Variants in COQ2 observed in about 807,000 individuals in gnomAD.
COQ2 encodes coenzyme Q2, polyprenyltransferase, also known as 4-hydroxybenzoate polyprenyltransferase, mitochondrial.
COQ2 carries 25 observed loss-of-function variants against 35.7 expected under a neutral mutation model. The ratio of observed to expected loss-of-function variants is 0.70; its 90% CI spans 0.51 to 0.98. The LOEUF is 0.98. Ranked by LOEUF, COQ2 falls within the 50% of genes least tolerant of loss-of-function variation. The pLI is 0.00. For synonymous variants in COQ2, 206 were observed against 186.2 expected (o/e 1.11, Z -0.86); for missense variants, 488 against 473.5 (o/e 1.03, Z -0.28).
At chr4:83,273,980 CAAAAAAAAAAAAAAA>C (rs967781699) in intron 2 of COQ2, among the ~76,000 whole-genome samples, 15 of 29,070 alleles carry the variant, frequency 5.2e-4, no homozygotes, top group African/African-American at 1.7e-3. Context: ...GCTGTCTCTA[CAAAAAAAAAAAAAAA>C]AAAAAAAAAA....
chr4:83,280,534 G>C (rs1034636234), intron 1 of COQ2, among the ~76,000 whole-genome samples: 2 of 152,232 alleles, frequency 1.3e-5, no homozygotes, highest in African/African-American at 4.8e-5. Context: ...CTAAGAGAAA[G>C]GGGGCTTCTG....
rs1735401588 is a variant in COQ2 at position 83,284,443 on chromosome 4, C to T, written c.253+69G>A. The T allele has an allele frequency of 2.7e-6, 4 of 1,491,788 alleles. No individual in the cohort carries two copies. In the South Asian group the frequency reaches 5.1e-5, roughly 19 times the overall value. 92.4% of individuals were successfully genotyped at this position (1,491,788 alleles called of 1,614,324 possible). A position where few individuals can be genotyped will look rare whatever the true frequency, so the allele number is the denominator to read the frequency against. ...TCACGCCCCGGCCGGCCGCCGCGGA[C>T]AGCTCCGCGGAGCCGACTCGGAGGC... On this transcript the variant is annotated intron_variant, in intron 1 of 6. Coordinates refer to ENST00000647002, the MANE Select transcript of COQ2 (RefSeq NM_001358921.2).
chr4:83,279,301 A>C (rs111726025), intron 1 of COQ2, among the ~76,000 whole-genome samples, 187 bp from the exon 2 acceptor site: 2 of 145,412 alleles, frequency 1.4e-5, no homozygotes, highest in South Asian at 4.1e-4. Flanking sequence ...GCCTAGAAGA[A>C]AGAGATCAAC....
rs879807573 is a variant in COQ2 at position 83,284,548 on chromosome 4, G to C, written c.217C>G (p.Pro73Ala). Residue 73 changes from proline to alanine, a missense_variant, in exon 1 of 7, where the codon CCG becomes GCG. Pro to Ala is a conservative substitution (Grantham distance 27). Transcript: ENST00000647002. The part of the protein sequence containing the change: ...VVDSAPRPLQ[P>A]YLRLMRLDKP... Reference sequence around the variant, plus strand: ...TCCAACCGCATGAGGCGCAAGTACGGCTGCAGGGGGCGGGGCGCAGAGTCC... The same window carrying C: ...TCCAACCGCATGAGGCGCAAGTACGCCTGCAGGGGGCGGGGCGCAGAGTCC... The C allele has an allele frequency of 1.1e-5, 18 of 1,572,274 alleles. No homozygotes were observed. Among genetic ancestry groups the C allele is most frequent in the Non-Finnish European group, 1.6e-5 (18 of 1,160,784 alleles).
Position 83,276,105 on chromosome 4 carries a change from C to T in COQ2, c.421-2488G>A, listed in dbSNP as rs527715227. Among the ~76,000 whole-genome samples the T allele has an allele frequency of 6.9e-4, 95 of 138,440 alleles. No homozygotes were observed. In the Middle Eastern group the frequency reaches 0.011, roughly 16 times the overall value. 90.8% of individuals were successfully genotyped at this position (138,440 alleles called of 152,430 possible). ...ATATATATACATATTCATATATATA[C>T]ATATAGAGTGTACAGAATAAAACTG... On this transcript the variant is annotated intron_variant, in intron 2 of 6. Coordinates refer to ENST00000647002, the MANE Select transcript of COQ2 (RefSeq NM_001358921.2).
intron 3 of COQ2, among the ~76,000 whole-genome samples, chr4:83,272,761 T>C (rs765379072): frequency 6.6e-6 from 1 of 152,132 alleles, no homozygotes; most frequent in African/African-American, 2.4e-5. Context: ...CTTATATATA[T>C]GATGCAGTGT....
At chr4:83,265,406 C>T (rs1278382224) in intron 6 of COQ2, among the ~76,000 whole-genome samples, 1 of 151,996 alleles carries the variant, frequency 6.6e-6, no homozygotes, top group Non-Finnish European at 1.5e-5. Flanking sequence ...CCCGTCTCTA[C>T]TAAAAAAATA....
At chr4:83,268,272 T>C (rs184580107) in intron 5 of COQ2, among the ~76,000 whole-genome samples, 4 of 152,332 alleles carry the variant, frequency 2.6e-5, no homozygotes, top group Non-Finnish European at 1.5e-5. Flanking sequence ...CATTTCCCAC[T>C]TCTAGCCCAA....
chr4:83,278,109 G>A (rs1178468232), intron 2 of COQ2, among the ~76,000 whole-genome samples: 1 of 151,458 alleles, frequency 6.6e-6, no homozygotes, highest in African/African-American at 2.4e-5. Context: ...AACTAGGATC[G>A]ATTATTAACT....
chr4:83,266,942 T>C (rs947485410), intron 6 of COQ2: 3 of 287,712 alleles, frequency 1.0e-5, no homozygotes, highest in African/African-American at 4.6e-5. Flanking sequence ...AAGCTTTATC[T>C]GTCAGTTTGC....
chr4:83,273,347 T>C, intron 3 of COQ2, 149 bp downstream of exon 3: 1 of 712,780 alleles, frequency 1.4e-6, no homozygotes, highest in South Asian at 2.1e-5. Context: ...GATTTAAAAA[T>C]GTGTGGTGAG....
intron 1 of COQ2, chr4:83,284,151 G>A: frequency 1.0e-6 from 1 of 985,434 alleles, no homozygotes; most frequent in African/African-American, 1.7e-5. Flanking sequence ...GGAACCTTCC[G>A]CTTGAGTCAC....
Position 83,284,742 on chromosome 4 carries a change from C to G in COQ2, c.23G>C (p.Gly8Ala), listed in dbSNP as rs1347758490. The change falls in exon 1 of 7, where the codon GGG becomes GCG. Residue 8 changes from glycine (G) to alanine (A), a missense_variant. Coordinates refer to ENST00000647002, the MANE Select transcript of COQ2 (RefSeq NM_001358921.2). ...CACAGCCCGCAGGCCCCGCGCGAAC[C>G]CCGCGGCTCGCGAGCCCAGCATGGC... The part of the protein sequence containing the change: MLGSRAA[G>A]FARGLRAVAL... The G allele has an allele frequency of 1.3e-6, 2 of 1,529,408 alleles. No homozygotes were observed. The highest frequency in any genetic ancestry group is 1.7e-6 in the Non-Finnish European group (2 of 1,144,434). 94.7% of individuals were successfully genotyped at this position (1,529,408 alleles called of 1,614,324 possible). A position where few individuals can be genotyped will look rare whatever the true frequency, so the allele number is the denominator to read the frequency against.
At chr4:83,267,099 G>A (rs2126171351) in intron 6 of COQ2, 1 of 449,248 alleles carries the variant, frequency 2.2e-6, no homozygotes, top group South Asian at 1.6e-5. Context: ...CCTTGGCTGG[G>A]GTTGGTAGCT....
At chr4:83,284,975 C>CA, upstream of COQ2, 5 of 1,154,222 alleles carry the variant, frequency 4.3e-6, no homozygotes, top group East Asian at 3.1e-5. Flanking sequence ...TGGCAAAAGG[C>CA]AAAAAAATTA....
chr4:83,282,476 T>C (rs1735347538), intron 1 of COQ2: 2 of 191,128 alleles, frequency 1.0e-5, no homozygotes, highest in South Asian at 3.6e-4. Flanking sequence ...AATACATTTG[T>C]TGAGCGAATT....
At chr4:83,276,889 C>G (rs186765915) in intron 2 of COQ2, among the ~76,000 whole-genome samples, 1 of 152,108 alleles carries the variant, frequency 6.6e-6, no homozygotes, top group African/African-American at 2.4e-5. Flanking sequence ...TCATTTGCAG[C>G]AACATGGATG....
intron 5 of COQ2, among the ~76,000 whole-genome samples, chr4:83,268,397 T>C (rs549358577): frequency 2.6e-5 from 4 of 152,200 alleles, no homozygotes; most frequent in Non-Finnish European, 5.9e-5. Context: ...CATCTCCATA[T>C]ACTGTTGTAA....
In COQ2 at chr4:83,279,070, C is replaced by T. The variant is rs1735251502; in HGVS notation, c.298G>A (p.Ala100Thr). The T allele has an allele frequency of 1.9e-6, 3 of 1,594,294 alleles. No homozygotes were observed. Among genetic ancestry groups the T allele is most frequent in the South Asian group, 2.3e-5 (2 of 87,524 alleles). ...TCTGGAAAACAACCTGGTTCAGCTG[C>T]CAAACCAATGCTCCAGGTACATGGT... ...YLPCTWSIGL[A>T]AEPGCFPDWY... is the part of the protein sequence containing the mutation. The change falls in exon 2 of 7, where the codon GCA (alanine) becomes ACA (threonine). Residue 100 changes from alanine to threonine, a missense_variant. Ala to Thr is a moderately conservative substitution (Grantham distance 58). Coordinates refer to ENST00000647002, the MANE Select transcript of COQ2 (RefSeq NM_001358921.2).
Sources: gnomAD v4.1 joint callset for allele counts (sites outside exome capture counted in the v4.1 genomes callset) on GRCh38, gnomAD v4.1.1 for gene constraint, MANE v1.5 for transcripts, NCBI Gene and HGNC (gene_info 2026-07-23, HGNC 2026-07-21) for gene names.